Variants in ELFN1 observed in about 807,000 individuals in gnomAD.
ELFN1 encodes protein ELFN1.
Under a neutral mutation model 7.6 loss-of-function variants are expected in ELFN1, and 6 were observed. That is an observed-to-expected ratio of 0.79 (90% CI 0.43 to 1.56). The LOEUF is 1.56. ELFN1 is among the 40% of genes most tolerant of loss of function. ELFN1 has a pLI of 0.01. For missense variants in ELFN1, 1,169 were observed against 1,232.2 expected (o/e 0.95, Z 0.77); for synonymous variants, 657 against 588.1 (o/e 1.12, Z -1.70).
intron 1 of ELFN1, among the ~76,000 whole-genome samples, chr7:1,681,166 G>T (rs1439800464): frequency 6.6e-6 from 1 of 152,220 alleles, no homozygotes; most frequent in Non-Finnish European, 1.5e-5. Flanking sequence ...CTTATAGACT[G>T]TGTCAGTAGT....
In ELFN1 at chr7:1,740,806, C is replaced by T. The variant is rs555099699; in HGVS notation, c.-293-3498C>T. On this transcript the variant is annotated intron_variant, in intron 3 of 3. Transcript: ENST00000424383. This position sits in a 1 kb window ranked among gnomAD's most constrained non-coding sequence, Gnocchi z 5.0. The stretch of plus-strand genomic sequence containing the variant: ...TTCTGTGTCTGTGCCTCAGTTTCCC[C>T]GCTGTAAAGTGAGCTGCAGAATGAA... Among the ~76,000 whole-genome samples, 20 of 152,188 alleles carry T rather than the reference C, an allele frequency of 1.3e-4. No homozygotes were observed. The highest frequency in any genetic ancestry group is 1.9e-4 in the East Asian group (1 of 5,184).
rs948164367 is a variant in ELFN1, at chr7:1,679,510, C to G, written c.-548-8548C>G. Among the ~76,000 whole-genome samples, 4 of 152,268 alleles carry G rather than the reference C, an allele frequency of 2.6e-5. No individual in the cohort carries two copies. The East Asian group carries it at 7.7e-4, about 29-fold the overall frequency. On this transcript the variant is annotated intron_variant, in intron 1 of 3. Coordinates refer to ENST00000424383, the MANE Select transcript of ELFN1 (RefSeq NM_001128636.4). ...CTGAGGGAACCCACAGGAACGTTCC[C>G]TGGAGGTTCAGGCAGGAGGGGAAAC...
intron 3 of ELFN1, among the ~76,000 whole-genome samples, chr7:1,737,011 G>A (rs995441824): frequency 6.6e-6 from 1 of 151,900 alleles, no homozygotes; most frequent in Admixed American, 6.6e-5. Context: ...AGCTACCCCT[G>A]CAGCCCCACC....
chr7:1,693,972 T>C (rs535816029), intron 2 of ELFN1: 3 of 384,466 alleles, frequency 7.8e-6, no homozygotes, highest in East Asian at 1.5e-4. Context: ...TGCAGGGCGA[T>C]TGGAGCAATA....
chr7:1,705,281 A>G lies in ELFN1; in HGVS notation c.-455-3810A>G, dbSNP rs1779508375. ...GCGCCCCTCCTCCCCACCTCGCTAA[A>G]CAATCATTGCACAAAATATGCAAAT... On this transcript the variant is annotated intron_variant, in intron 2 of 3. Transcript: ENST00000424383. This position sits in a 1 kb window ranked among gnomAD's most constrained non-coding sequence, Gnocchi z 4.3. 1.3e-5 allele frequency among the ~76,000 whole-genome samples: 2 copies of G among 152,226 alleles called. No homozygotes were observed. The highest frequency in any genetic ancestry group is 4.8e-5 in the African/African-American group (2 of 41,462).
chr7:1,707,368 A>G (rs1455670572), intron 2 of ELFN1, among the ~76,000 whole-genome samples: 2 of 152,230 alleles, frequency 1.3e-5, no homozygotes, highest in Non-Finnish European at 2.9e-5. Context: ...TGGGCTGGGT[A>G]TACAGTAGGC....
intron 2 of ELFN1, among the ~76,000 whole-genome samples, chr7:1,699,780 T>C (rs1225492163): frequency 6.6e-6 from 1 of 152,230 alleles, no homozygotes; most frequent in African/African-American, 2.4e-5. Context: ...CTCTGCTCAC[T>C]GCAACCTCCG....
At chr7:1,736,313 G>C (rs1321942933) in intron 3 of ELFN1, among the ~76,000 whole-genome samples, 1 of 152,086 alleles carries the variant, frequency 6.6e-6, no homozygotes, top group African/African-American at 2.4e-5. Flanking sequence ...TCCCCCTGGA[G>C]CTGGAAACTT....
At position 1,695,314 on chromosome 7, in the gene ELFN1, G is replaced by A. The variant is rs1779279095; in HGVS notation, c.-456+7164G>A. On this transcript the variant is annotated intron_variant, in intron 2 of 3. Transcript: ENST00000424383. The surrounding 1 kb of genome is among the most constrained non-coding windows in gnomAD (Gnocchi z 5.1). The stretch of plus-strand genomic sequence containing the variant: ...GCACCAGCTGCGTCCTCCTCCTCCA[G>A]GGCTGCAGCTCAGGGCTCAGGTGTC... 6.6e-6 allele frequency among the ~76,000 whole-genome samples: 1 copy of A among 152,200 alleles called. No homozygotes were observed. Among genetic ancestry groups the A allele is most frequent in the Admixed American group, 6.5e-5 (1 of 15,274 alleles).
chr7:1,743,828 GGCCTTCACAC>G (rs1235467931), intron 3 of ELFN1, among the ~76,000 whole-genome samples: 38 of 152,202 alleles, frequency 2.5e-4, no homozygotes, highest in Non-Finnish European at 4.6e-4. Context: ...GCCCAGTGAG[GGCCTTCACAC>G]GCACATCCCT....
chr7:1,720,730 A>ACCCCCCCCCCCC (rs1779995792), intron 3 of ELFN1, among the ~76,000 whole-genome samples: 1 of 78,396 alleles, frequency 1.3e-5, no homozygotes. Context: ...TCCCCCCAGC[A>ACCCCCCCCCCCC]CCCCCCACCC....
rs1301871563 is a variant in ELFN1, at chr7:1,746,678, C to T, written c.2082C>T (p.Ala694=). The T allele has an allele frequency of 2.1e-5, 30 of 1,418,240 alleles. No homozygotes were observed. The highest frequency in any genetic ancestry group is 3.0e-5 in the African/African-American group (2 of 65,952). The allele number at this position is 1,418,240 out of a possible 1,614,324, so 87.9% of individuals were successfully genotyped here. The change falls in exon 4 of 4, where the codon GCC becomes GCT. Residue 694 remains alanine (A), a synonymous_variant. Transcript: ENST00000424383. ...TPAAAVLRAE[A]EKGRQYGEHR... is the part of the protein sequence containing the mutation. ...CGGCCGCCGTGCTGCGGGCCGAGGCCGAGAAGGGTCGCCAGTACGGCGAGC... is the reference window on the plus strand; with the variant it reads ...CGGCCGCCGTGCTGCGGGCCGAGGCTGAGAAGGGTCGCCAGTACGGCGAGC...
chr7:1,707,756 A>AT (rs1015513349), intron 2 of ELFN1, among the ~76,000 whole-genome samples: 10 of 152,162 alleles, frequency 6.6e-5, no homozygotes, highest in African/African-American at 1.7e-4. Flanking sequence ...TTCCCCACGT[A>AT]TTTTTTGGTT....
intron 2 of ELFN1, among the ~76,000 whole-genome samples, chr7:1,702,283 G>A (rs2128584701): frequency 6.6e-6 from 1 of 152,226 alleles, no homozygotes; most frequent in East Asian, 1.9e-4. Context: ...AAATTAGCCA[G>A]CGTGATGGCG....
rs558836449 is a variant in ELFN1, at chr7:1,677,530, G to A, written c.-549+7176G>A. On this transcript the variant is annotated intron_variant, in intron 1 of 3. Coordinates refer to ENST00000424383, the MANE Select transcript of ELFN1 (RefSeq NM_001128636.4). ...ACTGTGCAGGGGTGTGTGTAGGTTCGCGGGTGTGTGCATGTAGATTCGTGT... is the reference window on the plus strand; with the variant it reads ...ACTGTGCAGGGGTGTGTGTAGGTTCACGGGTGTGTGCATGTAGATTCGTGT... Among the ~76,000 whole-genome samples, 13 of 151,630 alleles carry A rather than the reference G, an allele frequency of 8.6e-5. 1 individual carries two copies. Among genetic ancestry groups the A allele is most frequent in the African/African-American group, 7.3e-5 (3 of 41,302 alleles).
intron 2 of ELFN1, among the ~76,000 whole-genome samples, chr7:1,708,771 A>G (rs903976310): frequency 1.3e-5 from 2 of 152,122 alleles, no homozygotes; most frequent in African/African-American, 4.8e-5. Flanking sequence ...GCCACCGCCA[A>G]GTGACTAGAG....
Position 1,705,786 on chromosome 7 carries a change from G to A in ELFN1, c.-455-3305G>A, listed in dbSNP as rs1779517715. Among the ~76,000 whole-genome samples the A allele has an allele frequency of 6.6e-6, 1 of 152,174 alleles. No homozygotes were observed. The highest frequency in any genetic ancestry group is 1.5e-5 in the Non-Finnish European group (1 of 68,038). On this transcript the variant is annotated intron_variant, in intron 2 of 3. Transcript: ENST00000424383. This position sits in a 1 kb window ranked among gnomAD's most constrained non-coding sequence, Gnocchi z 4.3. Reference sequence around the variant, plus strand: ...TGTAAAGTAGAGTCTTAGTGTCCCGGGATGGTCCTCGGGGAGGTCTGATGA... The same window carrying A: ...TGTAAAGTAGAGTCTTAGTGTCCCGAGATGGTCCTCGGGGAGGTCTGATGA...
At chr7:1,677,593 C>A (rs982136328) in intron 1 of ELFN1, among the ~76,000 whole-genome samples, 9 of 152,084 alleles carry the variant, frequency 5.9e-5, no homozygotes, top group African/African-American at 1.9e-4. Context: ...CATGAACTCA[C>A]GTGTGTGTAG....
At chr7:1,680,897 A>G (rs1436004831) in intron 1 of ELFN1, among the ~76,000 whole-genome samples, 1 of 151,764 alleles carries the variant, frequency 6.6e-6, no homozygotes, top group African/African-American at 2.4e-5. Context: ...GCCCACCACC[A>G]TGCCTGGATA....
Sources: allele counts gnomAD v4.1 joint callset (sites outside exome capture counted in the v4.1 genomes callset), GRCh38; gene constraint gnomAD v4.1.1; non-coding constraint Gnocchi (gnomAD v3.1); transcripts MANE v1.5; gene names NCBI Gene and HGNC (gene_info 2026-07-23, HGNC 2026-07-21).